The following ICE1 variants were observed in gnomAD, a reference collection of about 807,000 sequenced individuals.
ICE1 encodes interactor of little elongation complex ELL subunit 1.
A neutral mutation model predicts 192.7 loss-of-function variants in ICE1; 64 were observed. The ratio of observed to expected loss-of-function variants is 0.33; its 90% CI spans 0.27 to 0.41. ICE1 has a LOEUF of 0.41. Ranked by LOEUF, ICE1 falls within the 10% of genes least tolerant of loss-of-function variation. The pLI, the probability that ICE1 is intolerant of heterozygous loss-of-function variation, is 1.00. For missense variants in ICE1, 2,708 were observed against 2,696.0 expected, an observed-to-expected ratio of 1.00 and a Z score of -0.10; for synonymous variants, 1,010 against 984.5, an observed-to-expected ratio of 1.03 and a Z score of -0.49.
At chr5:5,435,725 A>C (rs1265146404) in intron 1 of ICE1, among the ~76,000 whole-genome samples, 1 of 134,128 alleles carries the variant, frequency 7.5e-6, no homozygotes, top group East Asian at 2.2e-4. Flanking sequence ...ACTGGAGTGC[A>C]ATGGCACGAT....
chr5:5,475,479 C>T (rs1739281893), intron 16 of ICE1, among the ~76,000 whole-genome samples: 1 of 152,188 alleles, frequency 6.6e-6, no homozygotes, highest in African/African-American at 2.4e-5. Flanking sequence ...GGAATTGGCA[C>T]TGTTTTCAGT....
chr5:5,422,751 C>T lies in ICE1; in HGVS notation c.-165C>T, dbSNP rs1239717714. 10 of 386,702 alleles carry T rather than the reference C, an allele frequency of 2.6e-5. No individual in the cohort carries two copies. The highest frequency in any genetic ancestry group is 4.5e-5 in the Non-Finnish European group (10 of 224,262). 24.0% of individuals were successfully genotyped at this position (386,702 alleles called of 1,614,324 possible). On this transcript the variant is annotated 5_prime_UTR_variant, in exon 1 of 19. Transcript: ENST00000296564. The stretch of plus-strand genomic sequence containing the variant: ...CCTGAGGCAGCTCTGGCTCGGAGAG[C>T]CTTTTGCTAGCCCCACGGGGACCTC...
intron 10 of ICE1, among the ~76,000 whole-genome samples, chr5:5,451,868 A>G (rs1738428447): frequency 6.6e-6 from 1 of 152,122 alleles, no homozygotes; most frequent in African/African-American, 2.4e-5. Flanking sequence ...GCATGCACAC[A>G]TGTTCTCAAG....
intron 10 of ICE1, 25 bp downstream of exon 10, chr5:5,447,922 T>C (rs1475126940): frequency 6.6e-7 from 1 of 1,522,324 alleles, no homozygotes; most frequent in African/African-American, 1.4e-5. Context: ...ACTTTTGTTT[T>C]AATGTTGTGT....
intron 3 of ICE1, chr5:5,437,414 G>A (rs761929473): frequency 4.2e-5 from 11 of 260,420 alleles, no homozygotes; most frequent in Non-Finnish European, 7.2e-5. Context: ...ATGTTTTTTA[G>A]GTTTACGAAT....
intron 3 of ICE1, among the ~76,000 whole-genome samples, chr5:5,438,352 A>G (rs1358379517): frequency 1.3e-5 from 2 of 152,218 alleles, no homozygotes; most frequent in African/African-American, 4.8e-5. Context: ...ACACAGCCAG[A>G]CCATATCATC....
At chr5:5,480,928 A>G (rs1454081606) in intron 17 of ICE1, among the ~76,000 whole-genome samples, 1 of 152,232 alleles carries the variant, frequency 6.6e-6, no homozygotes, top group Non-Finnish European at 1.5e-5. Context: ...AAATGAAACT[A>G]TGCCATGTGG....
At chr5:5,443,818 CAG>C (rs1414125567) in intron 6 of ICE1, among the ~76,000 whole-genome samples, 3 of 152,196 alleles carry the variant, frequency 2.0e-5, no homozygotes, top group African/African-American at 4.8e-5. Flanking sequence ...AGCAGTGACT[CAG>C]AGAGTTATCC....
In ICE1 at chr5:5,460,731, C is replaced by G; in HGVS notation, c.1397C>G (p.Thr466Arg). The G allele has an allele frequency of 6.2e-7, 1 of 1,613,974 alleles. No homozygotes were observed. Among genetic ancestry groups the G allele is most frequent in the Non-Finnish European group, 8.5e-7 (1 of 1,179,900 alleles). Reference sequence around the variant, plus strand: ...TTAGTTGGTGAAAAACACTGGACCACAGCATCTCGATCCATGAGTGATAGA... The same window carrying G: ...TTAGTTGGTGAAAAACACTGGACCAGAGCATCTCGATCCATGAGTGATAGA... ...HSLVGEKHWT[T>R]ASRSMSDRKR... is the part of the protein sequence containing the mutation. The change falls in exon 13 of 19, where the codon ACA becomes AGA. Residue 466 changes from threonine (T) to arginine (R), a missense_variant. Coordinates refer to ENST00000296564, the MANE Select transcript of ICE1 (RefSeq NM_015325.3).
intron 15 of ICE1, 53 bp downstream of exon 15, chr5:5,469,041 T>A: frequency 8.3e-7 from 1 of 1,205,202 alleles, no homozygotes; most frequent in Non-Finnish European, 1.1e-6. Flanking sequence ...ATTATATAAA[T>A]GTTAATTATT....
At chr5:5,483,457 C>T (rs1446993712) in intron 17 of ICE1, among the ~76,000 whole-genome samples, 1 of 152,230 alleles carries the variant, frequency 6.6e-6, no homozygotes, top group Non-Finnish European at 1.5e-5. Context: ...ACGGGGTTTA[C>T]TCCAACCTAC....
chr5:5,470,117 G>T (rs1301648903), intron 15 of ICE1, among the ~76,000 whole-genome samples: 1 of 152,108 alleles, frequency 6.6e-6, no homozygotes, highest in Admixed American at 6.5e-5. Context: ...AGCATTACCT[G>T]CCCCAAGAGA....
At chr5:5,433,383 C>T (rs1319985786) in intron 1 of ICE1, among the ~76,000 whole-genome samples, 2 of 152,134 alleles carry the variant, frequency 1.3e-5, no homozygotes, top group African/African-American at 2.4e-5. Context: ...ATCCATGTTA[C>T]TGATTCTCAA....
chr5:5,485,341 G>C (rs1579584189), intron 17 of ICE1, among the ~76,000 whole-genome samples: 2 of 152,098 alleles, frequency 1.3e-5, no homozygotes, highest in Non-Finnish European at 2.9e-5. Flanking sequence ...CCTTGTTGCA[G>C]ACCTTTGTAC....
At chr5:5,488,577 A>G (rs1739689513) in intron 18 of ICE1, among the ~76,000 whole-genome samples, 1 of 152,238 alleles carries the variant, frequency 6.6e-6, no homozygotes, top group Non-Finnish European at 1.5e-5. Context: ...TAACTCTGAA[A>G]TAAACTTACC....
At chr5:5,423,824 C>G (rs531178025) in intron 1 of ICE1, among the ~76,000 whole-genome samples, 1 of 152,130 alleles carries the variant, frequency 6.6e-6, no homozygotes. Context: ...GCCTAGTGTT[C>G]TAGGAACTAC....
chr5:5,440,571 C>T (rs1738013719), intron 4 of ICE1, among the ~76,000 whole-genome samples: 1 of 152,148 alleles, frequency 6.6e-6, no homozygotes, highest in South Asian at 2.1e-4. Context: ...TGCCCATAAT[C>T]CCACCACTTT....
At chr5:5,450,572 G>A (rs1322620779) in intron 10 of ICE1, among the ~76,000 whole-genome samples, 1 of 152,046 alleles carries the variant, frequency 6.6e-6, no homozygotes, top group East Asian at 1.9e-4. Context: ...TATTCATAGG[G>A]GCCACCAAGT....
At chr5:5,453,747 T>C (rs1738496904) in intron 10 of ICE1, among the ~76,000 whole-genome samples, 1 of 152,228 alleles carries the variant, frequency 6.6e-6, no homozygotes. Flanking sequence ...GAAATTTGTA[T>C]TAATGTAGAA....
Sources: gnomAD v4.1 joint callset for allele counts (sites outside exome capture counted in the v4.1 genomes callset) on GRCh38, gnomAD v4.1.1 for gene constraint, MANE v1.5 for transcripts, NCBI Gene and HGNC (gene_info 2026-07-23, HGNC 2026-07-21) for gene names.